TRIP12: variants seen among roughly 807,000 people sequenced by gnomAD.
The protein encoded by TRIP12 is thyroid hormone receptor interactor 12, also known as E3 ubiquitin-protein ligase TRIP12.
TRIP12 carries 25 observed loss-of-function variants against 244.2 expected under a neutral mutation model. The observed-to-expected ratio is 0.10, with a 90% CI of 0.07 to 0.14. TRIP12 has a LOEUF of 0.14. TRIP12 is among the 10% of genes least tolerant of loss of function. TRIP12 has a pLI of 1.00. For synonymous variants in TRIP12, 905 were observed against 873.1 expected (o/e 1.04, Z -0.64); for missense variants, 1,677 against 2,486.4 (o/e 0.67, Z 6.92).
At chr2:229,817,687 A>G (rs951012954) in intron 9 of TRIP12, among the ~76,000 whole-genome samples, 3 of 152,126 alleles carry the variant, frequency 2.0e-5, no homozygotes, top group Admixed American at 2.0e-4. Flanking sequence ...TCTGCCTTCC[A>G]GGTTCAAGTG....
intron 8 of TRIP12, among the ~76,000 whole-genome samples, chr2:229,824,262 A>T (rs1575545520): frequency 6.6e-6 from 1 of 152,338 alleles, no homozygotes; most frequent in Middle Eastern, 3.4e-3. Context: ...ATATAACTAA[A>T]AAAAGTTAAT....
intron 34 of TRIP12, among the ~76,000 whole-genome samples, chr2:229,781,826 T>C (rs1000593734): frequency 1.3e-5 from 2 of 152,162 alleles, no homozygotes; most frequent in African/African-American, 4.8e-5. Flanking sequence ...AAGTCAGTGC[T>C]TGTGAGGTAG....
intron 9 of TRIP12, among the ~76,000 whole-genome samples, chr2:229,817,207 T>C (rs2048719834): frequency 6.6e-6 from 1 of 152,228 alleles, no homozygotes; most frequent in South Asian, 2.1e-4. Flanking sequence ...ATATGATGTA[T>C]AAATCATAAC....
At chr2:229,822,228 G>C (rs2050260820) in intron 8 of TRIP12, among the ~76,000 whole-genome samples, 1 of 151,858 alleles carries the variant, frequency 6.6e-6, no homozygotes, top group South Asian at 2.1e-4. Context: ...GCAGTCTCAT[G>C]GTGCTCAGAA....
At chr2:229,865,074 G>A (rs892861803) in intron 2 of TRIP12, among the ~76,000 whole-genome samples, 2 of 152,112 alleles carry the variant, frequency 1.3e-5, no homozygotes, top group Non-Finnish European at 2.9e-5. Context: ...TTGGAAGGTT[G>A]AAAGCAGGTG....
intron 1 of TRIP12, among the ~76,000 whole-genome samples, chr2:229,900,110 AACAC>A (rs1250387942): frequency 1.3e-5 from 2 of 152,252 alleles, no homozygotes; most frequent in Non-Finnish European, 2.9e-5. Flanking sequence ...TTGAGAACTT[AACAC>A]ACTATGTACA....
At chr2:229,892,656 C>A (rs569751570) in intron 1 of TRIP12, among the ~76,000 whole-genome samples, 7 of 152,064 alleles carry the variant, frequency 4.6e-5, no homozygotes, top group Admixed American at 1.3e-4. Flanking sequence ...ACTGCTTGAG[C>A]GGAGTTTGAG....
intron 2 of TRIP12, among the ~76,000 whole-genome samples, chr2:229,874,049 T>TAA (rs796344448): frequency 1.4e-5 from 2 of 141,200 alleles, no homozygotes; most frequent in African/African-American, 5.2e-5. Flanking sequence ...AAATAAACCA[T>TAA]AAAAAAAAAA....
At chr2:229,899,987 C>A (rs189211317) in intron 1 of TRIP12, among the ~76,000 whole-genome samples, 1 of 152,262 alleles carries the variant, frequency 6.6e-6, no homozygotes, top group African/African-American at 2.4e-5. Flanking sequence ...CAAGTTGTTA[C>A]ATACAAAAAG....
intron 6 of TRIP12, among the ~76,000 whole-genome samples, chr2:229,833,050 A>G (rs761185612): frequency 3.3e-5 from 5 of 152,226 alleles, no homozygotes; most frequent in African/African-American, 4.8e-5. Context: ...TATTTATCAG[A>G]GAATCTACTT....
intron 1 of TRIP12, among the ~76,000 whole-genome samples, chr2:229,908,616 C>T (rs895358096): frequency 6.6e-6 from 1 of 151,912 alleles, no homozygotes; most frequent in Non-Finnish European, 1.5e-5. Flanking sequence ...CCTGTAGTCC[C>T]AGCTACTCGG....
At chr2:229,846,691 A>G (rs1202591844) in intron 4 of TRIP12, among the ~76,000 whole-genome samples, 1 of 152,228 alleles carries the variant, frequency 6.6e-6, no homozygotes, top group Non-Finnish European at 1.5e-5. Flanking sequence ...ATGAAAAGTA[A>G]TCTATGAGGT....
chr2:229,772,704 C>T (rs886082000), intron 38 of TRIP12, among the ~76,000 whole-genome samples: 6 of 151,896 alleles, frequency 4.0e-5, no homozygotes, highest in Admixed American at 1.3e-4. Flanking sequence ...CCTCGTGATC[C>T]GCCCGCCTTG....
chr2:229,826,163 ACTTT>A (rs1197053426), intron 8 of TRIP12, among the ~76,000 whole-genome samples: 4 of 152,286 alleles, frequency 2.6e-5, no homozygotes, highest in African/African-American at 9.6e-5. Flanking sequence ...AATTATTAAT[ACTTT>A]CTTTACTTCT....
chr2:229,805,066 C>T (rs1025685515), intron 18 of TRIP12, among the ~76,000 whole-genome samples: 1 of 152,076 alleles, frequency 6.6e-6, no homozygotes, highest in African/African-American at 2.4e-5. Flanking sequence ...CCACCACGCT[C>T]GGCTAGTTTT....
At chr2:229,917,107 G>A (rs545279325) in intron 1 of TRIP12, among the ~76,000 whole-genome samples, 6 of 152,044 alleles carry the variant, frequency 3.9e-5, no homozygotes, top group South Asian at 2.1e-4. Flanking sequence ...CTGGCCGGGC[G>A]CGGTGGCTCA....
At chr2:229,916,236 A>G (rs948337386) in intron 1 of TRIP12, among the ~76,000 whole-genome samples, 69 of 152,326 alleles carry the variant, frequency 4.5e-4, no homozygotes, top group African/African-American at 1.6e-3. Context: ...TACTAAGTTA[A>G]ATTATTTGCC....
chr2:229,822,331 T>C (rs1049606566), intron 8 of TRIP12, among the ~76,000 whole-genome samples: 1 of 152,182 alleles, frequency 6.6e-6, no homozygotes, highest in African/African-American at 2.4e-5. Context: ...ACTGCTCAAC[T>C]ATTCAAATCT....
At chr2:229,885,530 C>T (rs950255201) in intron 1 of TRIP12, among the ~76,000 whole-genome samples, 2 of 152,162 alleles carry the variant, frequency 1.3e-5, no homozygotes, top group African/African-American at 4.8e-5. Flanking sequence ...GAACTACACA[C>T]ACCAGATAAA....
Sources: allele counts gnomAD v4.1 joint callset (sites outside exome capture counted in the v4.1 genomes callset), GRCh38; gene constraint gnomAD v4.1.1; transcripts MANE v1.5; gene names NCBI Gene and HGNC (gene_info 2026-07-23, HGNC 2026-07-21).